Variants in CEP83 observed in about 807,000 individuals in gnomAD.
The protein encoded by CEP83 is centrosomal protein of 83 kDa.
CEP83 carries 70 observed loss-of-function variants against 101.9 expected under a neutral mutation model. That is an observed-to-expected ratio of 0.69 (90% CI 0.57 to 0.84). CEP83 has a LOEUF of 0.84. Ranked by LOEUF, CEP83 falls within the 40% of genes least tolerant of loss-of-function variation. The pLI is 0.00. For missense variants in CEP83, 715 were observed against 787.2 expected, an observed-to-expected ratio of 0.91 and a Z score of 1.10; for synonymous variants, 264 against 267.9, an observed-to-expected ratio of 0.99 and a Z score of 0.14.
chr12:94,406,477 G>A (rs768465349), intron 4 of CEP83, among the ~76,000 whole-genome samples: 3 of 151,006 alleles, frequency 2.0e-5, no homozygotes, highest in Non-Finnish European at 3.0e-5. Context: ...GTGAGAGTGA[G>A]TGTGTGTGTG....
At chr12:94,309,123 C>T (rs768946392) in intron 16 of CEP83, among the ~76,000 whole-genome samples, 6 of 152,086 alleles carry the variant, frequency 3.9e-5, no homozygotes, top group African/African-American at 7.2e-5. Flanking sequence ...AAGCAAAACC[C>T]GTAGTCTGTT....
At chr12:94,378,675 C>T (rs1422976672) in intron 7 of CEP83, 116 bp downstream of exon 7, 1 of 1,119,462 alleles carries the variant, frequency 8.9e-7, no homozygotes, top group Non-Finnish European at 1.3e-6. Context: ...TGGGATTACA[C>T]AAATGCATCA....
At chr12:94,441,065 A>G (rs2066364974) in intron 1 of CEP83, among the ~76,000 whole-genome samples, 4 of 152,240 alleles carry the variant, frequency 2.6e-5, no homozygotes. Context: ...TAAGACCTGA[A>G]ACCATAAAAA....
At chr12:94,376,097 T>TTATAATTTTAG in intron 7 of CEP83, 80 bp from the exon 8 acceptor site, 1 of 848,264 alleles carries the variant, frequency 1.2e-6, no homozygotes, top group Non-Finnish European at 1.6e-6. Context: ...TAAAATACAT[T>TTATAATTTTAG]TATAATTATA....
chr12:94,351,039 A>C (rs1163681052), intron 11 of CEP83, among the ~76,000 whole-genome samples: 1 of 152,184 alleles, frequency 6.6e-6, no homozygotes. Flanking sequence ...ACTTCAGGTA[A>C]GAGTTTCTAA....
At chr12:94,272,721 C>T in the CEP83 span, among the ~76,000 whole-genome samples, 1 of 152,232 alleles carries the variant, frequency 6.6e-6, no homozygotes, top group African/African-American at 2.4e-5. Context: ...ACTGGCCACA[C>T]CTGGCAGCAG....
chr12:94,314,588 C>A (rs1454549555), intron 14 of CEP83, among the ~76,000 whole-genome samples: 2 of 152,164 alleles, frequency 1.3e-5, no homozygotes, highest in Non-Finnish European at 2.9e-5. Context: ...TATTGCATAA[C>A]CTAGTATATT....
intron 11 of CEP83, among the ~76,000 whole-genome samples, chr12:94,341,205 A>T (rs910187099): frequency 3.4e-5 from 5 of 145,328 alleles, no homozygotes; most frequent in Non-Finnish European, 4.5e-5. Context: ...AGCTAGTGGT[A>T]AAAAAAAAAC....
At chr12:94,451,033 A>C (rs546839668) in intron 1 of CEP83, among the ~76,000 whole-genome samples, 1 of 152,372 alleles carries the variant, frequency 6.6e-6, no homozygotes, top group East Asian at 1.9e-4. Flanking sequence ...ATTATAGTCA[A>C]CTGATATTTT....
chr12:94,413,954 A>G (rs979276261), intron 2 of CEP83, among the ~76,000 whole-genome samples: 6 of 152,044 alleles, frequency 3.9e-5, no homozygotes. Flanking sequence ...TCTTTGTCCT[A>G]TGCAAACCGA....
Position 94,310,860 on chromosome 12 carries a change from C to A in CEP83, c.1812-753G>T, listed in dbSNP as rs1239102945. Among the ~76,000 whole-genome samples, 3 of 152,100 alleles carry A rather than the reference C, an allele frequency of 2.0e-5. No homozygotes were observed. The East Asian group carries it at 5.8e-4, about 29-fold the overall frequency. The stretch of plus-strand genomic sequence containing the variant: ...GTAAGAAATATATATTTGGTCTTTG[C>A]CCTTGGTTCCTGGCACACAGCTCCT... On this transcript the variant is annotated intron_variant, in intron 15 of 16. Coordinates refer to ENST00000397809, the MANE Select transcript of CEP83 (RefSeq NM_016122.3).
At chr12:94,451,330 C>G (rs1220609344) in intron 1 of CEP83, among the ~76,000 whole-genome samples, 1 of 152,018 alleles carries the variant, frequency 6.6e-6, no homozygotes, top group Non-Finnish European at 1.5e-5. Context: ...AACTTTTGCA[C>G]TTCAAAAGAC....
chr12:94,343,229 G>A (rs563392666), intron 11 of CEP83, among the ~76,000 whole-genome samples: 28 of 151,672 alleles, frequency 1.8e-4, no homozygotes, highest in East Asian at 1.6e-3. Context: ...TTCTATAGTC[G>A]CTGGGCATGT....
At chr12:94,346,701 T>C (rs749196369) in intron 11 of CEP83, among the ~76,000 whole-genome samples, 6 of 152,166 alleles carry the variant, frequency 3.9e-5, no homozygotes, top group Non-Finnish European at 8.8e-5. Flanking sequence ...TCAAATTAGA[T>C]TAGAAGATGT....
intron 6 of CEP83, among the ~76,000 whole-genome samples, chr12:94,392,535 C>T (rs1424862374): frequency 1.3e-5 from 2 of 152,120 alleles, no homozygotes; most frequent in African/African-American, 4.8e-5. Flanking sequence ...CAAGACAAAG[C>T]AGGAAAGATC....
intron 14 of CEP83, among the ~76,000 whole-genome samples, chr12:94,319,875 G>C (rs1216305770): frequency 6.6e-6 from 1 of 152,128 alleles, no homozygotes; most frequent in African/African-American, 2.4e-5. Flanking sequence ...GATCTATCTG[G>C]TCCAATGTTA....
At chr12:94,308,941 T>C (rs371549222) in intron 16 of CEP83, 24 bp from the exon 17 acceptor site, 70 of 1,530,776 alleles carry the variant, frequency 4.6e-5, no homozygotes, top group South Asian at 1.2e-4. Context: ...AGAGAAAGCA[T>C]AGCAAAAGAA....
chr12:94,343,165 A>C (rs982621430), intron 11 of CEP83, among the ~76,000 whole-genome samples: 4 of 151,760 alleles, frequency 2.6e-5, no homozygotes, highest in African/African-American at 4.8e-5. Flanking sequence ...ATAAGACTCC[A>C]TGTGTTTACG....
the CEP83 span, among the ~76,000 whole-genome samples, chr12:94,267,351 G>C: frequency 6.6e-6 from 1 of 152,130 alleles, no homozygotes; most frequent in Non-Finnish European, 1.5e-5. Context: ...CTTTCATTTC[G>C]AAACATTATT....
Sources: gnomAD v4.1 joint callset for allele counts (sites outside exome capture counted in the v4.1 genomes callset) on GRCh38, gnomAD v4.1.1 for gene constraint, MANE v1.5 for transcripts, NCBI Gene and HGNC (gene_info 2026-07-23, HGNC 2026-07-21) for gene names.